The following PCNT variants were observed in gnomAD, a reference collection of about 807,000 sequenced individuals.
PCNT encodes the protein pericentrin, also known as kendrin.
In PCNT, 319 loss-of-function variants were observed where a neutral mutation model predicts 380.4. That is an observed-to-expected ratio of 0.84 (90% CI 0.77 to 0.92). PCNT has a LOEUF of 0.92. PCNT is among the 40% of genes least tolerant of loss of function. The pLI, the probability that PCNT is intolerant of heterozygous loss-of-function variation, is 0.00. For synonymous variants in PCNT, 1,845 were observed against 1,735.2 expected, an observed-to-expected ratio of 1.06 and a Z score of -1.57; for missense variants, 4,400 against 4,255.3, an observed-to-expected ratio of 1.03 and a Z score of -0.95.
intron 7 of PCNT, among the ~76,000 whole-genome samples, chr21:46,349,408 T>A (rs1428752401): frequency 6.6e-6 from 1 of 152,218 alleles, no homozygotes; most frequent in African/African-American, 2.4e-5. Flanking sequence ...TTTCTTGGCA[T>A]GTTCAGTTGC....
In PCNT at chr21:46,445,362, A is replaced by T; in HGVS notation, c.*35A>T. On this transcript the variant is annotated 3_prime_UTR_variant, in exon 47 of 47. Coordinates refer to ENST00000359568, the MANE Select transcript of PCNT (RefSeq NM_006031.6). ...CATGGCTCTTTCCTGCGACAATTCT[A>T]TTTGAGGAAAAGATTTGTTTTTCCC... 1 of 1,519,138 alleles carries T rather than the reference A, an allele frequency of 6.6e-7. No homozygotes were observed. The highest frequency in any genetic ancestry group is 9.1e-7 in the Non-Finnish European group (1 of 1,093,274). 94.1% of individuals were successfully genotyped at this position (1,519,138 alleles called of 1,614,324 possible).
intron 46 of PCNT, 145 bp from the exon 47 acceptor site, chr21:46,445,139 A>G: frequency 1.4e-6 from 1 of 711,792 alleles, no homozygotes; most frequent in Middle Eastern, 3.2e-4. Flanking sequence ...TTTCTTAAAT[A>G]TCATAATTTA....
chr21:46,424,847 C>A (rs113679242), intron 32 of PCNT, among the ~76,000 whole-genome samples: 4 of 151,426 alleles, frequency 2.6e-5, no homozygotes, highest in Non-Finnish European at 4.4e-5. Context: ...GTGCCACATA[C>A]GTTATGTTTA....
At chr21:46,379,681 G>T (rs1197477691) in intron 15 of PCNT, among the ~76,000 whole-genome samples, 1 of 152,022 alleles carries the variant, frequency 6.6e-6, no homozygotes, top group South Asian at 2.1e-4. Context: ...ATCTTCCAGC[G>T]TGTGAATTCT....
chr21:46,429,892 T>G, intron 35 of PCNT, 118 bp from the exon 36 acceptor site: 1 of 763,342 alleles, frequency 1.3e-6, no homozygotes, highest in Non-Finnish European at 2.2e-6. Flanking sequence ...CCACAGAACC[T>G]CCTTTCTTCC....
At position 46,444,486 on chromosome 21, in the gene PCNT, GAACATTGCACAGAAGCTTTTA is replaced by G. The variant is rs2053697901; in HGVS notation, c.9840-205_9840-185del. On this transcript the variant is annotated intron_variant, in intron 45 of 46. Coordinates refer to ENST00000359568, the MANE Select transcript of PCNT (RefSeq NM_006031.6). ...AAGCAAAGTAATATACTCAACTCTG[GAACATTGCACAGAAGCTTTTA>G]AAGCACTCTGTGACACTTTTTGTAA... Among the ~76,000 whole-genome samples the G allele has an allele frequency of 2.0e-5, 3 of 152,124 alleles. No individual in the cohort carries two copies. The South Asian group carries it at 6.2e-4, about 31-fold the overall frequency.
At chr21:46,336,285 T>G (rs1467911704) in intron 3 of PCNT, among the ~76,000 whole-genome samples, 2 of 152,194 alleles carry the variant, frequency 1.3e-5, no homozygotes, top group African/African-American at 4.8e-5. Flanking sequence ...CAAGTTTAGT[T>G]TTTAATCTGC....
intron 2 of PCNT, among the ~76,000 whole-genome samples, chr21:46,334,170 A>G (rs1165024712): frequency 6.7e-6 from 1 of 149,006 alleles, no homozygotes; most frequent in African/African-American, 2.5e-5. Flanking sequence ...GTGCCACTGC[A>G]CTCCAGCCTG....
chr21:46,427,706 G>A lies in PCNT; in HGVS notation c.7405G>A (p.Gly2469Arg). Residue 2469 changes from glycine (G) to arginine (R), a missense_variant, in exon 34 of 47, where the codon GGG becomes AGG. By Grantham distance (125) the Gly-to-Arg change is moderately radical. Coordinates refer to ENST00000359568, the MANE Select transcript of PCNT (RefSeq NM_006031.6). The part of the protein sequence containing the change: ...EAFEKEQEMQ[G>R]VELQPRLSGS... ...CTTTGAAAAAGAGCAGGAGATGCAG[G>A]GGGTTGAGCTGCAGCCCCGACTCAG... 2 of 1,613,876 alleles carry A rather than the reference G, an allele frequency of 1.2e-6. No homozygotes were observed. Among genetic ancestry groups the A allele is most frequent in the Non-Finnish European group, 1.7e-6 (2 of 1,179,998 alleles).
chr21:46,431,231 GGA>G, intron 37 of PCNT: 1 of 1,267,556 alleles, frequency 7.9e-7, no homozygotes, highest in Non-Finnish European at 1.0e-6. Context: ...GTGATTTTCT[GGA>G]GAGGGGGCGG....
rs557745291 is a variant in PCNT at position 46,437,017 on chromosome 21, T to C, written c.9035T>C (p.Val3012Ala). Residue 3012 changes from valine (V) to alanine (A), a missense_variant, in exon 40 of 47, where the codon GTG becomes GCG. Physicochemically the swap from Val to Ala is moderately conservative, Grantham distance 64. Transcript: ENST00000359568. ...NDWTSSNEKA[V>A]MSLLHTLEEL... The stretch of plus-strand genomic sequence containing the variant: ...TGGACGTCATCCAATGAGAAAGCAG[T>C]GATGTCTTTACTGCACACGTTGGAG... 17 of 1,614,148 alleles carry C rather than the reference T, an allele frequency of 1.1e-5. No homozygotes were observed. The South Asian group carries it at 1.9e-4, about 18-fold the overall frequency.
chr21:46,407,340 CTTTT>C (rs899881614), intron 27 of PCNT, among the ~76,000 whole-genome samples: 26 of 106,422 alleles, frequency 2.4e-4, no homozygotes, highest in Admixed American at 2.1e-3. Flanking sequence ...TATACTTTCT[CTTTT>C]TTTTTTTTTT....
intron 29 of PCNT, among the ~76,000 whole-genome samples, chr21:46,414,978 A>G (rs2147750764): frequency 6.6e-6 from 1 of 152,340 alleles, no homozygotes; most frequent in East Asian, 1.9e-4. Flanking sequence ...CTCTAACACC[A>G]GAAGTGCTGG....
intron 27 of PCNT, among the ~76,000 whole-genome samples, chr21:46,403,984 G>A (rs1177552659): frequency 1.5e-4 from 22 of 143,712 alleles, no homozygotes; most frequent in African/African-American, 5.6e-4. Context: ...GTGCCCACGC[G>A]GCGCGTGCTC....
chr21:46,368,712 C>G (rs1459530885), intron 15 of PCNT, among the ~76,000 whole-genome samples: 1 of 152,236 alleles, frequency 6.6e-6, no homozygotes, highest in Non-Finnish European at 1.5e-5. Context: ...GCTGGCCTAT[C>G]TCCCTGCAGG....
intron 2 of PCNT, among the ~76,000 whole-genome samples, chr21:46,330,305 G>C (rs1006140960): frequency 1.3e-5 from 2 of 152,070 alleles, no homozygotes; most frequent in Non-Finnish European, 2.9e-5. Flanking sequence ...AATTTGTAGA[G>C]ACAGTGTTAC....
At chr21:46,421,715 G>A (rs755087441) in intron 31 of PCNT, among the ~76,000 whole-genome samples, 3 of 152,240 alleles carry the variant, frequency 2.0e-5, no homozygotes, top group Non-Finnish European at 2.9e-5. Context: ...TAAGATTGGC[G>A]CTGGAATCAG....
At chr21:46,395,342 A>G (rs1457978703) in intron 21 of PCNT, among the ~76,000 whole-genome samples, 2 of 152,190 alleles carry the variant, frequency 1.3e-5, no homozygotes, top group African/African-American at 4.8e-5. Context: ...CACAGCTGTA[A>G]TCCCAGAACC....
At position 46,324,277 on chromosome 21, in the gene PCNT, A is replaced by G. The variant is rs1055522433; in HGVS notation, c.49A>G (p.Thr17Ala). 1.9e-6 allele frequency: 3 copies of G among 1,610,356 alleles called. No individual in the cohort carries two copies. The highest frequency in any genetic ancestry group is 2.5e-6 in the Non-Finnish European group (3 of 1,178,194). ...GCGCAGAAAGGTGGAGGCCGGGAGG[A>G]CGAAGGTAAACATTAGGGGCTTCTT... ...QRRRKVEAGR[T>A]KLAHFRQRKT... Residue 17 changes from threonine (T) to alanine (A), a missense_variant, in exon 1 of 47, where the codon ACG becomes GCG. By Grantham distance (58) the Thr-to-Ala change is moderately conservative. Transcript: ENST00000359568.
Sources: allele counts gnomAD v4.1 joint callset (sites outside exome capture counted in the v4.1 genomes callset), GRCh38; gene constraint gnomAD v4.1.1; transcripts MANE v1.5; gene names NCBI Gene and HGNC (gene_info 2026-07-23, HGNC 2026-07-21).